Variants in ASTN2 observed in about 807,000 individuals in gnomAD.
The protein encoded by ASTN2 is astrotactin-2.
ASTN2 carries 54 observed loss-of-function variants against 139.8 expected under a neutral mutation model. That is an observed-to-expected ratio of 0.39 (90% CI 0.31 to 0.48). The LOEUF (loss-of-function observed/expected upper bound fraction) is 0.48, where lower values mean the gene tolerates loss of function less well. ASTN2 is among the 20% of genes least tolerant of loss of function. ASTN2 has a pLI of 0.95. For synonymous variants in ASTN2, 756 were observed against 719.5 expected, an observed-to-expected ratio of 1.05 and a Z score of -0.81; for missense variants, 1,565 against 1,725.1, an observed-to-expected ratio of 0.91 and a Z score of 1.64.
At chr9:116,453,566 C>G in intron 20 of ASTN2, among the ~76,000 whole-genome samples, 1 of 116,216 alleles carries the variant, frequency 8.6e-6, no homozygotes, top group East Asian at 2.7e-4. Context: ...TGCACTCCAG[C>G]CTGGGCAAAA....
At chr9:116,533,731 A>C (rs558221486) in intron 19 of ASTN2, among the ~76,000 whole-genome samples, 7 of 152,310 alleles carry the variant, frequency 4.6e-5, no homozygotes, top group African/African-American at 1.4e-4. Context: ...ATGGTGGATA[A>C]GCTTTTTGAT....
chr9:116,939,967 G>C (rs1835180476), intron 10 of ASTN2, among the ~76,000 whole-genome samples: 1 of 152,102 alleles, frequency 6.6e-6, no homozygotes, highest in African/African-American at 2.4e-5. Context: ...ATGTCTGTGG[G>C]GATGTTGGTG....
At chr9:117,099,882 G>T (rs528664421) in intron 4 of ASTN2, among the ~76,000 whole-genome samples, 8 of 152,282 alleles carry the variant, frequency 5.3e-5, no homozygotes, top group Non-Finnish European at 2.9e-5. Context: ...AACTGTCTCA[G>T]AGAGGTGATA....
chr9:116,921,422 A>T (rs1834601406), intron 10 of ASTN2, among the ~76,000 whole-genome samples: 1 of 151,960 alleles, frequency 6.6e-6, no homozygotes, highest in Admixed American at 6.6e-5. Flanking sequence ...CTCTGTCTGT[A>T]CTAAAAATAC....
chr9:117,180,862 T>C, intron 3 of ASTN2: 1 of 1,570,416 alleles, frequency 6.4e-7, no homozygotes, highest in Non-Finnish European at 8.7e-7. Flanking sequence ...GATCTTCTGG[T>C]GGCCAGGAAA....
rs955008190 is a variant in ASTN2 at position 117,107,403 on chromosome 9, G to A, written c.1169-11252C>T. ...ATCTATATTGTCAAGACACCCTCCC[G>A]AAAGGATATACCAATTTTATCCCAA... On this transcript the variant is annotated intron_variant, in intron 4 of 22. Transcript: ENST00000313400. Among the ~76,000 whole-genome samples, 10 of 152,058 alleles carry A rather than the reference G, an allele frequency of 6.6e-5. No homozygotes were observed. In the Middle Eastern group the frequency reaches 9.5e-3, roughly 144 times the overall value.
intron 11 of ASTN2, among the ~76,000 whole-genome samples, chr9:116,831,613 T>G (rs1269776937): frequency 6.6e-6 from 1 of 151,976 alleles, no homozygotes; most frequent in African/African-American, 2.4e-5. Context: ...AGTAAAAAAA[T>G]GAATAAAGAT....
At chr9:116,928,036 A>G (rs1158847019) in intron 10 of ASTN2, among the ~76,000 whole-genome samples, 1 of 152,056 alleles carries the variant, frequency 6.6e-6, no homozygotes, top group Admixed American at 6.5e-5. Context: ...AGCCTTTCTC[A>G]TGACACTCCA....
chr9:117,014,434 T>A (rs377511605), intron 6 of ASTN2, among the ~76,000 whole-genome samples: 13 of 152,140 alleles, frequency 8.5e-5, no homozygotes, highest in African/African-American at 3.1e-4. Context: ...GGAGGAACAT[T>A]ATCGTGGGGG....
At chr9:116,544,233 T>G (rs1364445447) in intron 19 of ASTN2, among the ~76,000 whole-genome samples, 1 of 151,988 alleles carries the variant, frequency 6.6e-6, no homozygotes, top group Non-Finnish European at 1.5e-5. Flanking sequence ...TGGGGAGAAA[T>G]GAGGTATTTG....
chr9:117,126,783 G>A (rs187134570), intron 4 of ASTN2, among the ~76,000 whole-genome samples: 1 of 152,352 alleles, frequency 6.6e-6, no homozygotes, highest in East Asian at 1.9e-4. Flanking sequence ...GTGAGTGATT[G>A]ATTGACTGTC....
intron 3 of ASTN2, among the ~76,000 whole-genome samples, chr9:117,146,857 A>C (rs977599237): frequency 3.9e-5 from 6 of 152,180 alleles, no homozygotes; most frequent in Non-Finnish European, 8.8e-5. Flanking sequence ...GACTGTAGTA[A>C]ACAATAATTT....
intron 19 of ASTN2, among the ~76,000 whole-genome samples, chr9:116,519,487 A>T (rs1850781640): frequency 6.6e-6 from 1 of 152,096 alleles, no homozygotes; most frequent in Admixed American, 6.6e-5. Flanking sequence ...ACCTGTCAAA[A>T]ACCTCTGGGA....
At chr9:117,015,351 G>A (rs1187855917) in intron 6 of ASTN2, among the ~76,000 whole-genome samples, 3 of 152,134 alleles carry the variant, frequency 2.0e-5, no homozygotes, top group Admixed American at 2.0e-4. Flanking sequence ...AATATCTCAA[G>A]CTTGCCATTT....
At position 116,698,466 on chromosome 9, in the gene ASTN2, T is replaced by C. The variant is rs1471731379; in HGVS notation, c.2806+27305A>G. 6.2e-7 allele frequency: 1 copy of C among 1,613,968 alleles called. No homozygotes were observed. Among genetic ancestry groups the C allele is most frequent in the Non-Finnish European group, 8.5e-7 (1 of 1,180,012 alleles). ...GCAGGCTGTGTCTCGCTGTGACTACTTCCTGGCCAAGATCAAGCAGGCAGA... is the reference window on the plus strand; with the variant it reads ...GCAGGCTGTGTCTCGCTGTGACTACCTCCTGGCCAAGATCAAGCAGGCAGA... On this transcript the variant is annotated intron_variant, in intron 16 of 22. Transcript: ENST00000313400. The surrounding 1 kb of genome is among the most constrained non-coding windows in gnomAD (Gnocchi z 4.4).
intron 16 of ASTN2, among the ~76,000 whole-genome samples, chr9:116,680,122 A>G (rs1381194943): frequency 1.3e-5 from 2 of 152,128 alleles, no homozygotes; most frequent in South Asian, 4.1e-4. Context: ...TTGATAGACC[A>G]CTAGCAAGAC....
chr9:117,243,977 T>C (rs1415315546), intron 2 of ASTN2, among the ~76,000 whole-genome samples: 2 of 152,076 alleles, frequency 1.3e-5, no homozygotes, highest in South Asian at 4.1e-4. Context: ...AGAGACCTGG[T>C]AGGATGTGAA....
intron 10 of ASTN2, among the ~76,000 whole-genome samples, chr9:116,968,071 A>G (rs1306585456): frequency 6.6e-6 from 1 of 152,212 alleles, no homozygotes; most frequent in African/African-American, 2.4e-5. Flanking sequence ...TAGTAACCCT[A>G]TACACATTAT....
At chr9:116,870,663 C>T (rs1003271647) in intron 10 of ASTN2, among the ~76,000 whole-genome samples, 6 of 152,164 alleles carry the variant, frequency 3.9e-5, no homozygotes, top group African/African-American at 1.4e-4. Flanking sequence ...GACAGCCATC[C>T]CCTAATTACC....
Sources: gnomAD v4.1 joint callset for allele counts (sites outside exome capture counted in the v4.1 genomes callset) on GRCh38, gnomAD v4.1.1 for gene constraint, Gnocchi (gnomAD v3.1) non-coding constraint, MANE v1.5 for transcripts, NCBI Gene and HGNC (gene_info 2026-07-23, HGNC 2026-07-21) for gene names.